The following CAMTA1 variants were observed in gnomAD, a reference collection of about 807,000 sequenced individuals.
CAMTA1 encodes calmodulin-binding transcription activator 1.
In CAMTA1, 27 loss-of-function variants were observed where a neutral mutation model predicts 170.9. That is an observed-to-expected ratio of 0.16 (90% CI 0.12 to 0.22). The LOEUF (loss-of-function observed/expected upper bound fraction) is 0.22. Among genes scored for constraint, CAMTA1 ranks in the 10% least tolerant of loss-of-function variants. The probability of loss-of-function intolerance (pLI) is 1.00; values close to 1 mark genes in which losing one functional copy is unlikely to be tolerated. For synonymous variants in CAMTA1, 833 were observed against 891.5 expected (o/e 0.93, Z 1.17); for missense variants, 1,619 against 2,217.2 (o/e 0.73, Z 5.42).
intron 3 of CAMTA1, chr1:6,886,255 T>C (rs1557765971): frequency 2.2e-6 from 1 of 456,026 alleles, no homozygotes; most frequent in South Asian, 1.5e-5. Flanking sequence ...AAAATTTTGG[T>C]AGCAGAAAGC....
rs531553097 is a variant in CAMTA1 at position 7,583,839 on chromosome 1, G to A, written c.511-56561G>A. ...GCCACTTAGAAGGTGCCGTCTCCCG[G>A]GAGGTAGACCCAGATCACTGTCCTC... On this transcript the variant is annotated intron_variant, in intron 6 of 22. Transcript: ENST00000303635. 5.3e-5 allele frequency among the ~76,000 whole-genome samples: 8 copies of A among 152,270 alleles called. No homozygotes were observed. The South Asian group carries it at 1.2e-3, about 24-fold the overall frequency.
chr1:7,157,592 T>C (rs533096500), intron 4 of CAMTA1, among the ~76,000 whole-genome samples: 9 of 152,288 alleles, frequency 5.9e-5, no homozygotes, highest in African/African-American at 2.2e-4. Flanking sequence ...CATACATTAT[T>C]GATGGGGATG....
intron 5 of CAMTA1, among the ~76,000 whole-genome samples, chr1:7,366,403 C>T (rs534666038): frequency 3.3e-5 from 5 of 152,300 alleles, no homozygotes; most frequent in Admixed American, 2.0e-4. Flanking sequence ...CCTCCAAGGC[C>T]GCGGGTTGCC....
intron 3 of CAMTA1, among the ~76,000 whole-genome samples, chr1:6,854,586 A>G (rs1661591899): frequency 6.6e-6 from 1 of 152,228 alleles, no homozygotes. Context: ...ATAACTGTAG[A>G]CTGTACATTC....
At chr1:7,541,726 T>A (rs1320472657) in intron 6 of CAMTA1, among the ~76,000 whole-genome samples, 1 of 152,262 alleles carries the variant, frequency 6.6e-6, no homozygotes, top group African/African-American at 2.4e-5. Context: ...TTGGTTGTTC[T>A]GTGGTCACGT....
chr1:7,704,188 C>T (rs1553255314), intron 11 of CAMTA1, among the ~76,000 whole-genome samples: 1 of 148,666 alleles, frequency 6.7e-6, no homozygotes, highest in Non-Finnish European at 1.5e-5. Context: ...GCCGGGGCCG[C>T]GCAGGGAGCC....
At chr1:7,318,369 G>A (rs1438384462) in intron 5 of CAMTA1, among the ~76,000 whole-genome samples, 9 of 152,194 alleles carry the variant, frequency 5.9e-5, no homozygotes, top group Non-Finnish European at 7.3e-5. Flanking sequence ...TGGTTACCTG[G>A]TATATAATGA....
intron 3 of CAMTA1, among the ~76,000 whole-genome samples, chr1:6,955,593 A>G (rs1187931298): frequency 6.6e-6 from 1 of 152,192 alleles, no homozygotes; most frequent in African/African-American, 2.4e-5. Context: ...GGTGGCAACC[A>G]GTATTACTAC....
rs190235342 is a variant in CAMTA1, at chr1:7,455,503, C to A, written c.439-12327C>A. 6.6e-6 allele frequency among the ~76,000 whole-genome samples: 1 copy of A among 152,242 alleles called. No individual in the cohort carries two copies. Among genetic ancestry groups the A allele is most frequent in the Non-Finnish European group, 1.5e-5 (1 of 68,036 alleles). ...CTTAATGTCCTGGCAGACAGCTCAG[C>A]CTTGCATTAACATAGCCACAGACCG... On this transcript the variant is annotated intron_variant, in intron 5 of 22. Transcript: ENST00000303635. The surrounding 1 kb of genome is among the most constrained non-coding windows in gnomAD (Gnocchi z 5.0).
chr1:7,178,818 A>G (rs1044618475), intron 4 of CAMTA1, among the ~76,000 whole-genome samples: 2 of 152,122 alleles, frequency 1.3e-5, no homozygotes, highest in East Asian at 3.9e-4. Context: ...TGAACACAAC[A>G]TGGTACCAAG....
chr1:7,009,579 G>A (rs868653709), intron 3 of CAMTA1, among the ~76,000 whole-genome samples: 1 of 152,180 alleles, frequency 6.6e-6, no homozygotes, highest in South Asian at 2.1e-4. Context: ...AAGGACCACC[G>A]CAGCCTCAGA....
At chr1:7,658,699 C>A (rs1465914315) in intron 7 of CAMTA1, among the ~76,000 whole-genome samples, 1 of 152,218 alleles carries the variant, frequency 6.6e-6, no homozygotes, top group African/African-American at 2.4e-5. Context: ...CTCATCTTGC[C>A]TCCACCAGGT....
chr1:7,528,443 A>G (rs2094454514), intron 6 of CAMTA1, among the ~76,000 whole-genome samples: 1 of 152,184 alleles, frequency 6.6e-6, no homozygotes, highest in Non-Finnish European at 1.5e-5. Context: ...AAAAAAAAAA[A>G]TCTTTCTAAA....
intron 3 of CAMTA1, among the ~76,000 whole-genome samples, chr1:6,830,071 C>T (rs1338005472): frequency 1.3e-5 from 2 of 150,870 alleles, no homozygotes; most frequent in Non-Finnish European, 2.9e-5. Flanking sequence ...GAGTCTCGCT[C>T]TGTCGCCCAG....
At chr1:7,277,709 A>G (rs17030680) in intron 5 of CAMTA1, among the ~76,000 whole-genome samples, 24,094 of 152,002 alleles carry the variant, frequency 0.16, 2,433 homozygotes, top group East Asian at 0.36. Flanking sequence ...CAAGGAAGAC[A>G]TTGATATAAT....
intron 3 of CAMTA1, among the ~76,000 whole-genome samples, chr1:6,890,961 C>T (rs1036967376): frequency 6.6e-6 from 1 of 152,160 alleles, no homozygotes; most frequent in African/African-American, 2.4e-5. Context: ...GAAAGTCACT[C>T]TTTCATGAGT....
intron 5 of CAMTA1, among the ~76,000 whole-genome samples, chr1:7,294,363 CCACGGAGAGGCACAGT>C (rs1459240783): frequency 6.6e-6 from 1 of 152,162 alleles, no homozygotes; most frequent in Non-Finnish European, 1.5e-5. Context: ...TGTTATGAAA[CCACGGAGAGGCACAGT>C]CACCTTAAAA....
At chr1:7,424,043 G>A (rs1244855990) in intron 5 of CAMTA1, among the ~76,000 whole-genome samples, 2 of 152,118 alleles carry the variant, frequency 1.3e-5, no homozygotes, top group East Asian at 3.9e-4. Context: ...TTGGGGTGAG[G>A]TGCTTGGTGG....
chr1:7,105,177 G>A (rs886494666), intron 4 of CAMTA1, among the ~76,000 whole-genome samples: 2 of 152,174 alleles, frequency 1.3e-5, no homozygotes, highest in African/African-American at 4.8e-5. Flanking sequence ...CAATTTTCAG[G>A]TAAAATGGGA....
Sources: gnomAD v4.1 joint callset for allele counts (sites outside exome capture counted in the v4.1 genomes callset) on GRCh38, gnomAD v4.1.1 for gene constraint, Gnocchi (gnomAD v3.1) non-coding constraint, MANE v1.5 for transcripts, NCBI Gene and HGNC (gene_info 2026-07-23, HGNC 2026-07-21) for gene names.